The following DLEC1 variants were observed in gnomAD, a reference collection of about 807,000 sequenced individuals.
The protein encoded by DLEC1 is DLEC1 cilia and flagella associated protein, also known as deleted in lung and esophageal cancer protein 1.
In DLEC1, 146 loss-of-function variants were observed where a neutral mutation model predicts 198.1. The observed-to-expected ratio is 0.74, with a 90% confidence interval of 0.64 to 0.85. The LOEUF (loss-of-function observed/expected upper bound fraction) is 0.85. Ranked by LOEUF, DLEC1 falls within the 40% of genes least tolerant of loss-of-function variation. The probability of loss-of-function intolerance (pLI) is 0.00; values close to 1 mark genes in which losing one functional copy is unlikely to be tolerated. For synonymous variants in DLEC1, 897 were observed against 866.8 expected, an observed-to-expected ratio of 1.03 and a Z score of -0.61; for missense variants, 2,233 against 2,220.0, an observed-to-expected ratio of 1.01 and a Z score of -0.12.
At chr3:38,080,905 T>TCAG (rs1183804287) in intron 6 of DLEC1, among the ~76,000 whole-genome samples, 1 of 130,490 alleles carries the variant, frequency 7.7e-6, no homozygotes, top group Non-Finnish European at 1.6e-5. Flanking sequence ...GGAGGGAAGG[T>TCAG]CAGCAGATAA....
intron 2 of DLEC1, among the ~76,000 whole-genome samples, chr3:38,058,450 G>A (rs1052631582): frequency 2.0e-5 from 3 of 152,080 alleles, no homozygotes; most frequent in Admixed American, 2.0e-4. Flanking sequence ...CGGCTGTCTT[G>A]TTTACAGTGT....
chr3:38,077,933 A>G (rs1467139697), intron 6 of DLEC1, among the ~76,000 whole-genome samples: 1 of 152,176 alleles, frequency 6.6e-6, no homozygotes, highest in Non-Finnish European at 1.5e-5. Context: ...TGGAAAGGAA[A>G]TGAGAGGTTC....
At chr3:38,082,403 G>T (rs1237900030) in intron 6 of DLEC1, among the ~76,000 whole-genome samples, 1 of 151,458 alleles carries the variant, frequency 6.6e-6, no homozygotes, top group Non-Finnish European at 1.5e-5. Context: ...TGGCGGCCGG[G>T]CAGAGGCTGC....
intron 33 of DLEC1, 30 bp downstream of exon 33, chr3:38,118,054 C>A: frequency 1.9e-6 from 3 of 1,560,914 alleles, no homozygotes; most frequent in South Asian, 2.3e-5. Flanking sequence ...GCCCTTGCCT[C>A]GATGGCACAC....
intron 6 of DLEC1, among the ~76,000 whole-genome samples, chr3:38,079,051 T>C (rs1697802624): frequency 6.6e-6 from 1 of 151,956 alleles, no homozygotes; most frequent in Non-Finnish European, 1.5e-5. Flanking sequence ...GTGATTAGGT[T>C]TTAATGAGAT....
At chr3:38,061,945 G>C (rs1441568267) in intron 3 of DLEC1, among the ~76,000 whole-genome samples, 14 of 152,212 alleles carry the variant, frequency 9.2e-5, no homozygotes, top group Admixed American at 8.5e-4. Flanking sequence ...CCAAAGTGCT[G>C]GGATGATAGG....
At chr3:38,084,366 G>A in intron 7 of DLEC1, 121 bp downstream of exon 7, 1 of 869,252 alleles carries the variant, frequency 1.2e-6, no homozygotes, top group Non-Finnish European at 1.8e-6. Context: ...GGTGGTAGTA[G>A]TAGTAGTGAT....
At chr3:38,073,971 T>C (rs948946687) in intron 6 of DLEC1, among the ~76,000 whole-genome samples, 1 of 152,108 alleles carries the variant, frequency 6.6e-6, no homozygotes, top group African/African-American at 2.4e-5. Flanking sequence ...CAGAGAGCCT[T>C]GGGCTAGAGC....
intron 6 of DLEC1, among the ~76,000 whole-genome samples, chr3:38,080,109 G>A (rs995552177): frequency 2.0e-5 from 3 of 152,196 alleles, no homozygotes; most frequent in Non-Finnish European, 2.9e-5. Flanking sequence ...CCTAAATGCT[G>A]TCTGATTTGG....
Position 38,096,719 on chromosome 3 carries a change from T to C in DLEC1, c.2322T>C (p.Asn774=), listed in dbSNP as rs1238200538. 6.2e-6 allele frequency: 10 copies of C among 1,610,214 alleles called. No homozygotes were observed. Among genetic ancestry groups the C allele is most frequent in the Non-Finnish European group, 8.5e-6 (10 of 1,178,732 alleles). Residue 774 remains asparagine, a synonymous_variant, in exon 15 of 37, where the codon AAT becomes AAC. Coordinates refer to ENST00000308059, the MANE Select transcript of DLEC1 (RefSeq NM_007335.4). ...CAGGGGAGAACTACATTGGGATAAA[T>C]GTGAAGAAGGCTTTTAAGGTAGGTC... ...IIPGENYIGI[N]VKKAFKMWNN...
At chr3:38,096,077 C>A in intron 14 of DLEC1, 131 bp downstream of exon 14, 2 of 1,110,486 alleles carry the variant, frequency 1.8e-6, no homozygotes, top group Non-Finnish European at 2.6e-6. Context: ...GGAGTGAGAG[C>A]ATTTTTTTTG....
At chr3:38,059,420 C>T (rs943499698) in intron 2 of DLEC1, among the ~76,000 whole-genome samples, 2 of 152,232 alleles carry the variant, frequency 1.3e-5, no homozygotes, top group African/African-American at 2.4e-5. Flanking sequence ...GTCACATAGT[C>T]AAGGGCCTGG....
intron 10 of DLEC1, among the ~76,000 whole-genome samples, chr3:38,092,566 C>G (rs1304891309): frequency 2.0e-5 from 3 of 152,098 alleles, no homozygotes; most frequent in Admixed American, 6.6e-5. Flanking sequence ...ATTTTGGTCT[C>G]TGTGAACTTT....
Position 38,109,505 on chromosome 3 carries a change from G to A in DLEC1, c.3203G>A (p.Gly1068Glu), listed in dbSNP as rs1384894150. ...AAGCCACTGGTTCTAGGCATTTCTGGGAAGCCCCAGGGACTGCAAGTGGCC... is the reference window on the plus strand; with the variant it reads ...AAGCCACTGGTTCTAGGCATTTCTGAGAAGCCCCAGGGACTGCAAGTGGCC... ...MKKPLVLGIS[G>E]KPQGLQVAIT... is the part of the protein sequence containing the mutation. The change falls in exon 22 of 37, where the codon GGG (glycine) becomes GAG (glutamate). Residue 1068 changes from glycine to glutamate, a missense_variant. By Grantham distance (98) the Gly-to-Glu change is moderately conservative. Coordinates refer to ENST00000308059, the MANE Select transcript of DLEC1 (RefSeq NM_007335.4). 1 of 1,614,080 alleles carries A rather than the reference G, an allele frequency of 6.2e-7. No homozygotes were observed. Among genetic ancestry groups the A allele is most frequent in the East Asian group, 2.2e-5 (1 of 44,894 alleles).
At chr3:38,065,386 G>T (rs946325292) in intron 6 of DLEC1, among the ~76,000 whole-genome samples, 6 of 148,956 alleles carry the variant, frequency 4.0e-5, no homozygotes, top group Admixed American at 4.0e-4. Context: ...GAGAGGGAGA[G>T]GGAGGAGAGG....
chr3:38,093,753 T>G lies in DLEC1; in HGVS notation c.1905T>G (p.Ile635Met). 1 of 1,614,168 alleles carries G rather than the reference T, an allele frequency of 6.2e-7. No homozygotes were observed. Among genetic ancestry groups the G allele is most frequent in the South Asian group, 1.1e-5 (1 of 91,088 alleles). Residue 635 changes from isoleucine (I) to methionine (M), a missense_variant, in exon 12 of 37, where the codon ATT becomes ATG. Coordinates refer to ENST00000308059, the MANE Select transcript of DLEC1 (RefSeq NM_007335.4). ...NLRSTARKQL[I>M]IRNATHVELA... ...GGTCCACGGCTAGGAAGCAGCTGAT[T>G]ATTAGAAATGCTACGTGGGTAACCC...
Position 38,122,738 on chromosome 3 carries a change from C to T in DLEC1, c.*326C>T. 2 of 1,298,704 alleles carry T rather than the reference C, an allele frequency of 1.5e-6. No individual in the cohort carries two copies. The highest frequency in any genetic ancestry group is 1.5e-5 in the African/African-American group (1 of 67,076). 80.4% of individuals were successfully genotyped at this position (1,298,704 alleles called of 1,614,324 possible). The stretch of plus-strand genomic sequence containing the variant: ...GATAAATTCATGCACTTTTACTATG[C>T]CCATTGCACTTCTCATCCATGGATT... On this transcript the variant is annotated 3_prime_UTR_variant, in exon 37 of 37. Coordinates refer to ENST00000308059, the MANE Select transcript of DLEC1 (RefSeq NM_007335.4).
At chr3:38,102,459 G>T (rs1699356182) in intron 19 of DLEC1, among the ~76,000 whole-genome samples, 1 of 152,210 alleles carries the variant, frequency 6.6e-6, no homozygotes, top group East Asian at 1.9e-4. Flanking sequence ...CAATGCAACA[G>T]CCTCTCAGAT....
rs1696830874 is a variant in DLEC1, at chr3:38,063,839, A to G, written c.1095-2A>G. 5.0e-6 allele frequency: 8 copies of G among 1,612,662 alleles called. No homozygotes were observed. The highest frequency in any genetic ancestry group is 6.8e-6 in the Non-Finnish European group (8 of 1,179,046). ...TTCTCCCCCTCTTTTTTCATCCCAC[A>G]GTTGTGCTGATACTCCAGTGTTTCT... On this transcript the variant is annotated splice_acceptor_variant, in intron 5 of 36. Coordinates refer to ENST00000308059, the MANE Select transcript of DLEC1 (RefSeq NM_007335.4). LOFTEE classifies it high-confidence loss of function.
Sources: allele counts gnomAD v4.1 joint callset (sites outside exome capture counted in the v4.1 genomes callset), GRCh38; gene constraint gnomAD v4.1.1; transcripts MANE v1.5; gene names NCBI Gene and HGNC (gene_info 2026-07-23, HGNC 2026-07-21).